TRIM31: variants seen among roughly 807,000 people sequenced by gnomAD.
The protein encoded by TRIM31 is E3 ubiquitin-protein ligase TRIM31.
In TRIM31, 31 loss-of-function variants were observed where a neutral mutation model predicts 40.6. That is an observed-to-expected ratio of 0.76 (90% CI 0.57 to 1.03). The LOEUF is 1.03. Ranked by LOEUF, TRIM31 falls within the 50% of genes least tolerant of loss-of-function variation. The pLI is 0.00. For missense variants in TRIM31, 455 were observed against 497.5 expected, an observed-to-expected ratio of 0.91 and a Z score of 0.81; for synonymous variants, 164 against 193.9, an observed-to-expected ratio of 0.85 and a Z score of 1.28.
intron 5 of TRIM31, among the ~76,000 whole-genome samples, chr6:30,108,559 C>CAAAAAA (rs28381623): frequency 1.0e-5 from 1 of 96,594 alleles, no homozygotes; most frequent in Non-Finnish European, 1.9e-5. Context: ...AGCTCCATCT[C>CAAAAAA]AAAAAAAAAA....
intron 3 of TRIM31, chr6:30,111,336 T>A: frequency 2.7e-6 from 1 of 366,528 alleles, no homozygotes; most frequent in South Asian, 4.4e-5. Context: ...GCCCGGCCAA[T>A]GTCTTCATTT....
Position 30,112,641 on chromosome 6 carries a change from G to T in TRIM31, c.165C>A (p.Leu55=). The T allele has an allele frequency of 1.2e-6, 2 of 1,613,142 alleles. No individual in the cohort carries two copies. The highest frequency in any genetic ancestry group is 2.2e-5 in the South Asian group (2 of 91,080). The change falls in exon 2 of 9, where the codon CTC becomes CTA. Residue 55 remains leucine (L), a synonymous_variant. Transcript: ENST00000376734. ...CGTTCTTCCTTACGGAAGTTTTGCA[G>T]AGGGGACATTTGAAAAATCCACATG... ...ETSCGFFKCP[L]CKTSVRKNAI...
chr6:30,105,416 T>C (rs1352327433), intron 6 of TRIM31, 174 bp from the exon 7 acceptor site: 9 of 582,534 alleles, frequency 1.5e-5, no homozygotes, highest in Non-Finnish European at 2.7e-5. Context: ...ATGCCCTTTC[T>C]GATTTCCTGT....
Position 30,112,459 on chromosome 6 carries a change from A to G in TRIM31, c.347T>C (p.Val116Ala), listed in dbSNP as rs1769439750. 1 of 1,613,104 alleles carries G rather than the reference A, an allele frequency of 6.2e-7. No individual in the cohort carries two copies. The highest frequency in any genetic ancestry group is 2.2e-5 in the East Asian group (1 of 44,890). Residue 116 changes from valine to alanine, a missense_variant, in exon 2 of 9, where the codon GTG (valine) becomes GCG (alanine). Coordinates refer to ENST00000376734, the MANE Select transcript of TRIM31 (RefSeq NM_007028.5). ...TTTGTGGTCCTTGGATTCACGACAC[A>G]CAAAACAGAGGAACTTCCCATCATC... ...CEDDGKFLCFVCRESKDHKSH... is the reference protein window; with the variant it reads ...CEDDGKFLCFACRESKDHKSH...
intron 4 of TRIM31, 81 bp downstream of exon 4, chr6:30,110,367 A>G (rs1769169446): frequency 7.4e-7 from 1 of 1,360,152 alleles, no homozygotes; most frequent in Non-Finnish European, 1.0e-6. Flanking sequence ...AATCTCAGGT[A>G]TTCTGCCAGT....
chr6:30,104,536 T>C (rs1768496876), intron 7 of TRIM31, among the ~76,000 whole-genome samples: 1 of 152,240 alleles, frequency 6.6e-6, no homozygotes, highest in Non-Finnish European at 1.5e-5. Flanking sequence ...TTTCTGGCTT[T>C]GGAGAAAGGA....
chr6:30,107,966 A>G, intron 6 of TRIM31, 87 bp downstream of exon 6: 1 of 896,210 alleles, frequency 1.1e-6, no homozygotes. Context: ...GTTGGCATGT[A>G]TGAGTCACAG....
intron 8 of TRIM31, 48 bp from the exon 9 acceptor site, chr6:30,103,837 G>A (rs1297073413): frequency 6.2e-7 from 1 of 1,608,926 alleles, no homozygotes; most frequent in Admixed American, 1.7e-5. Context: ...GAGCACCTCG[G>A]CAGCAATCCT....
chr6:30,105,482 C>T (rs2517664), intron 6 of TRIM31: 62,111 of 338,886 alleles, frequency 0.18, 6,786 homozygotes, highest in African/African-American at 0.36. Context: ...ATCTGAGTCA[C>T]GAATGTGAGC....
intron 5 of TRIM31, 174 bp downstream of exon 5, chr6:30,108,852 C>T: frequency 4.3e-6 from 3 of 692,832 alleles, no homozygotes; most frequent in Middle Eastern, 2.4e-4. Context: ...CAACCAACCA[C>T]GTGCTAATAT....
At chr6:30,103,953 G>A (rs145500388) in intron 8 of TRIM31, 149 bp downstream of exon 8, 11 of 1,379,756 alleles carry the variant, frequency 8.0e-6, no homozygotes, top group Non-Finnish European at 1.1e-5. Flanking sequence ...TTTCCTGGCA[G>A]AGGTGTAATT....
chr6:30,108,938 G>C (rs772393267), intron 5 of TRIM31, 88 bp downstream of exon 5: 140 of 1,405,268 alleles, frequency 1.0e-4, no homozygotes, highest in Non-Finnish European at 1.4e-4. Context: ...ATTTCTGAGA[G>C]AGGAATGTTG....
In TRIM31 at chr6:30,112,612, A is replaced by C. The variant is rs765843593; in HGVS notation, c.194T>G (p.Ile65Ser). 6.8e-6 allele frequency: 11 copies of C among 1,612,980 alleles called. No individual in the cohort carries two copies. In the Admixed American group the frequency reaches 8.3e-5, roughly 12 times the overall value. ...LCKTSVRKNAIRFNSLLRNLV... is the reference protein window; with the variant it reads ...LCKTSVRKNASRFNSLLRNLV... ...ATTCCGCAACAGCGAGTTGAACCTG[A>C]TTGCGTTCTTCCTTACGGAAGTTTT... Residue 65 changes from isoleucine to serine, a missense_variant, in exon 2 of 9, where the codon ATC (isoleucine) becomes AGC (serine). Ile to Ser is a moderately radical substitution (Grantham distance 142). Transcript: ENST00000376734.
At chr6:30,104,306 T>A (rs538863231) in intron 7 of TRIM31, 139 bp from the exon 8 acceptor site, 8 of 815,786 alleles carry the variant, frequency 9.8e-6, no homozygotes, top group Non-Finnish European at 1.6e-5. Context: ...CAGGGGGAAG[T>A]GTGGAAACCT....
chr6:30,112,304 C>A (rs367966862), intron 2 of TRIM31, 85 bp downstream of exon 2: 5 of 1,503,046 alleles, frequency 3.3e-6, no homozygotes, highest in Non-Finnish European at 4.5e-6. Context: ...GGGGTGCAAA[C>A]CCTCAGTGGG....
chr6:30,103,453 G>A lies in TRIM31; in HGVS notation c.*83C>T. 6.4e-7 allele frequency: 1 copy of A among 1,574,194 alleles called. No individual in the cohort carries two copies. Among genetic ancestry groups the A allele is most frequent in the Non-Finnish European group, 8.6e-7 (1 of 1,161,918 alleles). On this transcript the variant is annotated 3_prime_UTR_variant, in exon 9 of 9. Coordinates refer to ENST00000376734, the MANE Select transcript of TRIM31 (RefSeq NM_007028.5). Reference sequence around the variant, plus strand: ...CAATTCCACTAAGTCAAGAACCGTGGTCGGTCTCAGCCACTCACTCAGCGC... The same window carrying A: ...CAATTCCACTAAGTCAAGAACCGTGATCGGTCTCAGCCACTCACTCAGCGC...
At chr6:30,107,957 T>G in intron 6 of TRIM31, 96 bp downstream of exon 6, 2 of 831,326 alleles carry the variant, frequency 2.4e-6, no homozygotes. Context: ...CCAGGGATTG[T>G]TGGCATGTAT....
Position 30,103,442 on chromosome 6 carries a change from C to G in TRIM31, c.*94G>C, listed in dbSNP as rs1207856919. On this transcript the variant is annotated 3_prime_UTR_variant, in exon 9 of 9. Coordinates refer to ENST00000376734, the MANE Select transcript of TRIM31 (RefSeq NM_007028.5). ...CTCCTTCGACCCAATTCCACTAAGT[C>G]AAGAACCGTGGTCGGTCTCAGCCAC... 2.3e-4 allele frequency: 361 copies of G among 1,558,136 alleles called. 4 individuals are homozygous for G. In the South Asian group the frequency reaches 4.2e-3, roughly 18 times the overall value.
intron 4 of TRIM31, among the ~76,000 whole-genome samples, chr6:30,109,294 T>C (rs1469585661): frequency 1.3e-5 from 2 of 151,870 alleles, no homozygotes; most frequent in Non-Finnish European, 2.9e-5. Context: ...AAGAGTGAGA[T>C]TTAGAAGATG....
Sources: allele counts gnomAD v4.1 joint callset (sites outside exome capture counted in the v4.1 genomes callset), GRCh38; gene constraint gnomAD v4.1.1; transcripts MANE v1.5; gene names NCBI Gene and HGNC (gene_info 2026-07-23, HGNC 2026-07-21).